Variants in PLPPR2 observed in about 807,000 individuals in gnomAD.
The protein encoded by PLPPR2 is phospholipid phosphatase-related protein type 2.
A neutral mutation model predicts 40.3 loss-of-function variants in PLPPR2; 11 were observed. That is an observed-to-expected ratio of 0.27 (90% CI 0.17 to 0.45). The LOEUF (loss-of-function observed/expected upper bound fraction) is 0.45, where lower values mean the gene tolerates loss of function less well. Ranked by LOEUF, PLPPR2 falls within the 20% of genes least tolerant of loss-of-function variation. The pLI, the probability that PLPPR2 is intolerant of heterozygous loss-of-function variation, is 1.00. For missense variants in PLPPR2, 497 were observed against 640.7 expected (o/e 0.78, Z 2.42); for synonymous variants, 260 against 290.8 (o/e 0.89, Z 1.08).
In PLPPR2 at chr19:11,359,720, G is replaced by A; in HGVS notation, c.255G>A (p.Thr85=). Residue 85 remains threonine (T), a splice_region_variant and synonymous_variant, in exon 4 of 10, where the codon ACG becomes ACA. Transcript: ENST00000688289. This position sits in a 1 kb window ranked among gnomAD's most constrained non-coding sequence, Gnocchi z 5.6. ...YALVTAGPTL[T]ILLGELARAF... ...TGGTCACTGCCGGGCCCACCCTCAC[G>A]GTGAGACAATGAAGACCTCCTAGGA... The A allele has an allele frequency of 1.9e-6, 3 of 1,586,642 alleles. No individual in the cohort carries two copies. Among genetic ancestry groups the A allele is most frequent in the Non-Finnish European group, 2.6e-6 (3 of 1,162,230 alleles).
At position 11,364,126 on chromosome 19, in the gene PLPPR2, G is replaced by A; in HGVS notation, c.964-35G>A. On this transcript the variant is annotated intron_variant, in intron 8 of 9. Transcript: ENST00000688289. This position sits in a 1 kb window ranked among gnomAD's most constrained non-coding sequence, Gnocchi z 5.8. ...GGCTGTGGCCGGTAGGGCCCAGGGG[G>A]CCACTAGCCCCTTCCGTCTGTCTCT... The A allele has an allele frequency of 1.3e-6, 2 of 1,591,962 alleles. No homozygotes were observed. Among genetic ancestry groups the A allele is most frequent in the Non-Finnish European group, 1.7e-6 (2 of 1,167,988 alleles).
At position 11,362,302 on chromosome 19, in the gene PLPPR2, C is replaced by T; in HGVS notation, c.664-211C>T. On this transcript the variant is annotated intron_variant, in intron 6 of 9. Coordinates refer to ENST00000688289, the MANE Select transcript of PLPPR2 (RefSeq NM_001393892.1). This position sits in a 1 kb window ranked among gnomAD's most constrained non-coding sequence, Gnocchi z 5.3. ...CCTGCAGGTGGTGCCCACGAGACTC[C>T]AAGACCTCAATCCCTGACCCCCCCC... The T allele has an allele frequency of 3.4e-6, 2 of 586,598 alleles. No individual in the cohort carries two copies. The highest frequency in any genetic ancestry group is 6.0e-6 in the Non-Finnish European group (2 of 331,048). The allele number at this position is 586,598 out of a possible 1,614,324, so 36.3% of individuals were successfully genotyped here.
Position 11,362,996 on chromosome 19 carries a change from AATAAAG to A in PLPPR2, c.840+310_840+315del, listed in dbSNP as rs1229586532. Among the ~76,000 whole-genome samples the A allele has an allele frequency of 6.6e-6, 1 of 152,218 alleles. No homozygotes were observed. Among genetic ancestry groups the A allele is most frequent in the East Asian group, 1.9e-4 (1 of 5,204 alleles). ...TAATGTACAGAATATAAAAATTCTA[AATAAAG>A]ATGAATCAAGGCTGGGTGCGGTGGC... On this transcript the variant is annotated intron_variant, in intron 7 of 9. Coordinates refer to ENST00000688289, the MANE Select transcript of PLPPR2 (RefSeq NM_001393892.1). This position sits in a 1 kb window ranked among gnomAD's most constrained non-coding sequence, Gnocchi z 5.3.
At position 11,359,514 on chromosome 19, in the gene PLPPR2, G is replaced by A. The variant is rs780651659; in HGVS notation, c.67-18G>A. ...TCTTCTCTCTCCGCCACCTCTCCCC[G>A]CCCTGGCTTGGTGGCAGTCGGTGCT... On this transcript the variant is annotated intron_variant, in intron 3 of 9. Coordinates refer to ENST00000688289, the MANE Select transcript of PLPPR2 (RefSeq NM_001393892.1). The surrounding 1 kb of genome is among the most constrained non-coding windows in gnomAD (Gnocchi z 5.6). The A allele has an allele frequency of 2.5e-5, 38 of 1,520,526 alleles. No individual in the cohort carries two copies. Among genetic ancestry groups the A allele is most frequent in the East Asian group, 9.5e-5 (4 of 42,216 alleles). 94.2% of individuals were successfully genotyped at this position (1,520,526 alleles called of 1,614,324 possible). A position where few individuals can be genotyped will look rare whatever the true frequency, so the allele number is the denominator to read the frequency against.
Position 11,361,459 on chromosome 19 carries a change from C to G in PLPPR2, c.634C>G (p.Leu212Val). The change falls in exon 6 of 10, where the codon CTC becomes GTC. Residue 212 changes from leucine (L) to valine (V), a missense_variant. By Grantham distance (32) the Leu-to-Val change is conservative. Transcript: ENST00000688289. This position sits in a 1 kb window ranked among gnomAD's most constrained non-coding sequence, Gnocchi z 6.3. ...RRAFPCKDAA[L>V]CAYAVTYTAM... ...CGCCTTCCCCTGCAAGGATGCGGCC[C>G]TCTGCGCCTACGCGGTCACCTACAC... The G allele has an allele frequency of 6.2e-7, 1 of 1,602,654 alleles. No homozygotes were observed. The highest frequency in any genetic ancestry group is 1.1e-5 in the South Asian group (1 of 90,924).
rs1382845464 is a variant in PLPPR2, at chr19:11,355,524, G to C, written c.-238G>C. 2 of 152,160 alleles carry C rather than the reference G, an allele frequency of 1.3e-5. No homozygotes were observed. The highest frequency in any genetic ancestry group is 2.9e-5 in the Non-Finnish European group (2 of 68,034). The allele number at this position is 152,160 out of a possible 1,614,324, so 9.4% of individuals were successfully genotyped here. ...GTCCGTCTGTCCATCCCGCCGCGCC[G>C]GGGCAGTCTAGGCGGAGCGGGGGCT... On this transcript the variant is annotated 5_prime_UTR_variant, in exon 1 of 10. Transcript: ENST00000688289.
In PLPPR2 at chr19:11,357,770, G is replaced by A. The variant is rs371790294; in HGVS notation, c.66+31G>A. The A allele has an allele frequency of 1.5e-4, 241 of 1,562,396 alleles. 1 individual carries two copies. The highest frequency in any genetic ancestry group is 2.0e-4 in the Non-Finnish European group (228 of 1,148,634). On this transcript the variant is annotated intron_variant, in intron 3 of 9. Transcript: ENST00000688289. ...GACCCCCGTACCTCTCCCAGAGACG[G>A]CGTGCCTATCTCTGTCTCTGTCCAA... is the stretch of plus-strand genomic sequence containing the variant.
At position 11,364,567 on chromosome 19, in the gene PLPPR2, G is replaced by A; in HGVS notation, c.1236G>A (p.Arg412=). 6.5e-7 allele frequency: 1 copy of A among 1,537,020 alleles called. No individual in the cohort carries two copies. Among genetic ancestry groups the A allele is most frequent in the Non-Finnish European group, 8.7e-7 (1 of 1,146,818 alleles). ...GGPGGGGGRG[R]KLLLPTPLLR... The stretch of plus-strand genomic sequence containing the variant: ...CAGGCGGGGGTGGTGGACGTGGCCG[G>A]AAGCTGCTGCTGCCCACGCCCCTGC... Residue 412 remains arginine (R), a synonymous_variant, in exon 10 of 10, where the codon CGG becomes CGA. Coordinates refer to ENST00000688289, the MANE Select transcript of PLPPR2 (RefSeq NM_001393892.1). The surrounding 1 kb of genome is among the most constrained non-coding windows in gnomAD (Gnocchi z 5.8).
rs534126852 is a variant in PLPPR2 at position 11,361,842 on chromosome 19, G to A, written c.663+354G>A. 1.2e-4 allele frequency among the ~76,000 whole-genome samples: 18 copies of A among 152,266 alleles called. No individual in the cohort carries two copies. Among genetic ancestry groups the A allele is most frequent in the African/African-American group, 4.3e-4 (18 of 41,558 alleles). The stretch of plus-strand genomic sequence containing the variant: ...GCCAGGCCCCCAGGATGCTACAGGC[G>A]CTAGATATTAGCTGGCAGACTGGGC... On this transcript the variant is annotated intron_variant, in intron 6 of 9. Coordinates refer to ENST00000688289, the MANE Select transcript of PLPPR2 (RefSeq NM_001393892.1). The surrounding 1 kb of genome is among the most constrained non-coding windows in gnomAD (Gnocchi z 6.3).
chr19:11,361,079 A>AG lies in PLPPR2; in HGVS notation c.392-133dup, dbSNP rs773028911. On this transcript the variant is annotated intron_variant, in intron 5 of 9. Coordinates refer to ENST00000688289, the MANE Select transcript of PLPPR2 (RefSeq NM_001393892.1). The surrounding 1 kb of genome is among the most constrained non-coding windows in gnomAD (Gnocchi z 6.3). ...GTACCTTCATGGTGGTCTTAAAGGAAGGGGGATGTTGGCACAACTACAGGG... is the reference window on the plus strand; with the variant it reads ...GTACCTTCATGGTGGTCTTAAAGGAAGGGGGGATGTTGGCACAACTACAGGG... 8.9e-7 allele frequency: 1 copy of AG among 1,120,792 alleles called. No individual in the cohort carries two copies. Among genetic ancestry groups the AG allele is most frequent in the Non-Finnish European group, 1.2e-6 (1 of 809,562 alleles). The allele number at this position is 1,120,792 out of a possible 1,614,324, so 69.4% of individuals were successfully genotyped here.
At chr19:11,360,452 A>G (rs975433059) in intron 5 of PLPPR2, among the ~76,000 whole-genome samples, 1 of 152,058 alleles carries the variant, frequency 6.6e-6, no homozygotes, top group Non-Finnish European at 1.5e-5. Context: ...AGGGAATTCC[A>G]GGGGGGAAGG....
Position 11,363,094 on chromosome 19 carries a change from G to A in PLPPR2, c.840+405G>A, listed in dbSNP as rs548981885. ...GGATCACTTGAGGCCAAGAGTTCGA[G>A]ACCAGCCTGGTCAACATGGCCAAAC... On this transcript the variant is annotated intron_variant, in intron 7 of 9. Coordinates refer to ENST00000688289, the MANE Select transcript of PLPPR2 (RefSeq NM_001393892.1). The surrounding 1 kb of genome is among the most constrained non-coding windows in gnomAD (Gnocchi z 4.8). Among the ~76,000 whole-genome samples the A allele has an allele frequency of 6.6e-6, 1 of 152,212 alleles. No individual in the cohort carries two copies. The highest frequency in any genetic ancestry group is 1.9e-4 in the East Asian group (1 of 5,178).
At position 11,359,869 on chromosome 19, in the gene PLPPR2, G is replaced by T. The variant is rs1967995839; in HGVS notation, c.304G>T (p.Ala102Ser). The T allele has an allele frequency of 6.2e-7, 1 of 1,613,820 alleles. No individual in the cohort carries two copies. ...TGCCTTTTTCCCTGCACCACCTTCA[G>T]CCGTCCCAGTCATCGGGGAGAGCAC... Reference protein sequence around the residue: ...ARAFFPAPPSAVPVIGESTIV... With the variant: ...ARAFFPAPPSSVPVIGESTIV... Residue 102 changes from alanine (A) to serine (S), a missense_variant, in exon 5 of 10, where the codon GCC (alanine) becomes TCC (serine). By Grantham distance (99) the Ala-to-Ser change is moderately conservative (BLOSUM62 1). Coordinates refer to ENST00000688289, the MANE Select transcript of PLPPR2 (RefSeq NM_001393892.1). The surrounding 1 kb of genome is among the most constrained non-coding windows in gnomAD (Gnocchi z 5.6).
chr19:11,358,054 T>TAC (rs146472964), intron 3 of PLPPR2, among the ~76,000 whole-genome samples: 1 of 30,960 alleles, frequency 3.2e-5, no homozygotes, highest in Admixed American at 3.9e-4. Flanking sequence ...TGTGTGTGTG[T>TAC]GTGTGTGTAC....
At chr19:11,358,791 T>C (rs1178685045) in intron 3 of PLPPR2, among the ~76,000 whole-genome samples, 1 of 151,824 alleles carries the variant, frequency 6.6e-6, no homozygotes, top group African/African-American at 2.4e-5. Context: ...CTTGGCTCAC[T>C]GCAAACTCCG....
intron 3 of PLPPR2, among the ~76,000 whole-genome samples, chr19:11,358,376 T>C (rs190947757): frequency 2.0e-5 from 3 of 151,866 alleles, no homozygotes; most frequent in Admixed American, 2.0e-4. Context: ...GTTCTAAAGG[T>C]AAAATATATT....
intron 5 of PLPPR2, among the ~76,000 whole-genome samples, chr19:11,360,920 T>C (rs1321369573): frequency 6.6e-6 from 1 of 151,958 alleles, no homozygotes; most frequent in Non-Finnish European, 1.5e-5. Context: ...TGGATCCTGA[T>C]GTAATGGTGT....
rs961831984 is a variant in PLPPR2, at chr19:11,362,385, C to A, written c.664-128C>A. Reference sequence around the variant, plus strand: ...GCCCACTGGGAGCCCATGACTCCAACCCTGGAGCCCCTGGCCACTCCCTCC... The same window carrying A: ...GCCCACTGGGAGCCCATGACTCCAAACCTGGAGCCCCTGGCCACTCCCTCC... On this transcript the variant is annotated intron_variant, in intron 6 of 9. Coordinates refer to ENST00000688289, the MANE Select transcript of PLPPR2 (RefSeq NM_001393892.1). The surrounding 1 kb of genome is among the most constrained non-coding windows in gnomAD (Gnocchi z 5.3). 1.8e-6 allele frequency: 2 copies of A among 1,140,670 alleles called. No homozygotes were observed. Among genetic ancestry groups the A allele is most frequent in the Non-Finnish European group, 2.5e-6 (2 of 797,948 alleles). The allele number at this position is 1,140,670 out of a possible 1,614,324, so 70.7% of individuals were successfully genotyped here.
Position 11,363,833 on chromosome 19 carries a change from C to T in PLPPR2, c.961C>T (p.Gln321Ter). ...DSPLEKLSVA[Q>*]EPEVCRPHST... ...CCCCCTCGAAAAGTTAAGTGTGGCG[C>T]AGGTAAGGGGGGCCGGGGGCTGCTC... Residue 321 changes from glutamine (Q) to a stop codon, truncating the protein, a stop_gained and splice_region_variant, in exon 8 of 10, where the codon CAG becomes TAG. Coordinates refer to ENST00000688289, the MANE Select transcript of PLPPR2 (RefSeq NM_001393892.1). LOFTEE classifies it high-confidence loss of function. The surrounding 1 kb of genome is among the most constrained non-coding windows in gnomAD (Gnocchi z 4.8). The T allele has an allele frequency of 1.2e-6, 2 of 1,613,556 alleles. No individual in the cohort carries two copies. The highest frequency in any genetic ancestry group is 1.7e-6 in the Non-Finnish European group (2 of 1,179,698).
Sources: allele counts gnomAD v4.1 joint callset (sites outside exome capture counted in the v4.1 genomes callset), GRCh38; gene constraint gnomAD v4.1.1; non-coding constraint Gnocchi (gnomAD v3.1); transcripts MANE v1.5; gene names NCBI Gene and HGNC (gene_info 2026-07-23, HGNC 2026-07-21).